PIEZO2: variants seen among roughly 807,000 people sequenced by gnomAD.
PIEZO2 encodes the protein piezo-type mechanosensitive ion channel component 2.
PIEZO2 carries 172 observed loss-of-function variants against 337.3 expected under a neutral mutation model. The ratio of observed to expected loss-of-function variants is 0.51; its 90% CI spans 0.45 to 0.58. The LOEUF (loss-of-function observed/expected upper bound fraction) is 0.58, where lower values mean the gene tolerates loss of function less well. Ranked by LOEUF, PIEZO2 falls within the 20% of genes least tolerant of loss-of-function variation. PIEZO2 has a pLI of 0.00. For synonymous variants in PIEZO2, 1,251 were observed against 1,228.5 expected, an observed-to-expected ratio of 1.02 and a Z score of -0.38; for missense variants, 3,028 against 3,391.3, an observed-to-expected ratio of 0.89 and a Z score of 2.66.
chr18:10,965,977 T>G (rs745952200), intron 3 of PIEZO2, among the ~76,000 whole-genome samples: 9 of 152,192 alleles, frequency 5.9e-5, no homozygotes, highest in African/African-American at 9.7e-5. Context: ...TGGTACAGAT[T>G]CCCGTAAATG....
chr18:11,109,946 A>G lies in PIEZO2; in HGVS notation c.64+38579T>C, dbSNP rs1372326057. ...TATTTTTTAATCAGAAGTCAGACAG[A>G]AAGGTAGAGGGCTAGAATTGGGACA... On this transcript the variant is annotated intron_variant, in intron 1 of 55. Transcript: ENST00000674853. This position sits in a 1 kb window ranked among gnomAD's most constrained non-coding sequence, Gnocchi z 5.1. 6.6e-5 allele frequency among the ~76,000 whole-genome samples: 10 copies of G among 152,308 alleles called. No individual in the cohort carries two copies. In the East Asian group the frequency reaches 1.9e-3, roughly 29 times the overall value.
chr18:10,986,498 A>T (rs1464755380), intron 2 of PIEZO2, among the ~76,000 whole-genome samples: 4 of 152,018 alleles, frequency 2.6e-5, no homozygotes, highest in African/African-American at 9.7e-5. Flanking sequence ...AATAGATGCA[A>T]AGAAAAGCAT....
rs1172237597 is a variant in PIEZO2 at position 10,726,556 on chromosome 18, G to A, written c.5029+4851C>T. The A allele has an allele frequency of 7.1e-7, 1 of 1,411,886 alleles. No homozygotes were observed. Among genetic ancestry groups the A allele is most frequent in the Non-Finnish European group, 9.4e-7 (1 of 1,065,600 alleles). 87.5% of individuals were successfully genotyped at this position (1,411,886 alleles called of 1,614,324 possible). ...TCTGCTCTGCTACACCAGCCGCCAC[G>A]CTGTGCGTCTGTCCTTCCGCCAGCT... On this transcript the variant is annotated intron_variant, in intron 36 of 55. Coordinates refer to ENST00000674853, the MANE Select transcript of PIEZO2 (RefSeq NM_001378183.1). This position sits in a 1 kb window ranked among gnomAD's most constrained non-coding sequence, Gnocchi z 5.9.
chr18:10,720,389 GTGTGTGTGTGTGTGTATGTGTATGTGTA>G (rs1282882457), intron 36 of PIEZO2, among the ~76,000 whole-genome samples: 6 of 29,432 alleles, frequency 2.0e-4, no homozygotes, highest in East Asian at 1.6e-3. Context: ...GTGTGTGTGT[GTGTGTGTGTGTGTGTATGTGTATGTGTA>G]TGTATATATA....
At chr18:10,693,758 A>G (rs1288299237) in intron 47 of PIEZO2, among the ~76,000 whole-genome samples, 1 of 151,718 alleles carries the variant, frequency 6.6e-6, no homozygotes, top group Admixed American at 6.6e-5. Context: ...TGGGGAGATC[A>G]CTTTTCTTTC....
chr18:10,816,126 GA>G (rs1369112122), intron 7 of PIEZO2, among the ~76,000 whole-genome samples: 5 of 152,146 alleles, frequency 3.3e-5, no homozygotes, highest in African/African-American at 1.2e-4. Context: ...TCACTGGGAG[GA>G]GCTTCCTTGT....
rs371675904 is a variant in PIEZO2 at position 10,754,626 on chromosome 18, C to G, written c.3924-1747G>C. On this transcript the variant is annotated intron_variant, in intron 27 of 55. Transcript: ENST00000674853. The stretch of plus-strand genomic sequence containing the variant: ...TCCCTTTGCAATAGTAAATATTGGG[C>G]TGGACTGATTGTTTTCTTAGCATCC... Among the ~76,000 whole-genome samples the G allele has an allele frequency of 1.6e-3, 246 of 152,252 alleles. 8 individuals carry two copies. The South Asian group carries it at 0.05, about 31-fold the overall frequency.
chr18:10,754,476 G>A (rs1166769741), intron 27 of PIEZO2, among the ~76,000 whole-genome samples: 1 of 152,202 alleles, frequency 6.6e-6, no homozygotes, highest in Non-Finnish European at 1.5e-5. Context: ...AGTCCTCATT[G>A]AGAAACAGAA....
rs1339835733 is a variant in PIEZO2, at chr18:10,862,074, A to T, written c.493-4863T>A. Among the ~76,000 whole-genome samples, 4 of 152,054 alleles carry T rather than the reference A, an allele frequency of 2.6e-5. No individual in the cohort carries two copies. The highest frequency in any genetic ancestry group is 5.9e-5 in the Non-Finnish European group (4 of 68,006). Reference sequence around the variant, plus strand: ...TAAAAAATAAAATAGTTAAGAGAGGATGTTAATGTCCTCAACACAAATAAA... The same window carrying T: ...TAAAAAATAAAATAGTTAAGAGAGGTTGTTAATGTCCTCAACACAAATAAA... On this transcript the variant is annotated intron_variant, in intron 5 of 55. Coordinates refer to ENST00000674853, the MANE Select transcript of PIEZO2 (RefSeq NM_001378183.1). The surrounding 1 kb of genome is among the most constrained non-coding windows in gnomAD (Gnocchi z 4.4).
chr18:10,751,599 A>T (rs374970115), intron 28 of PIEZO2, among the ~76,000 whole-genome samples: 1 of 145,280 alleles, frequency 6.9e-6, no homozygotes. Flanking sequence ...ACACAGTGAT[A>T]CACGTGCCCC....
At chr18:10,674,820 G>T (rs1167650139) in intron 54 of PIEZO2, among the ~76,000 whole-genome samples, 1 of 152,170 alleles carries the variant, frequency 6.6e-6, no homozygotes, top group Non-Finnish European at 1.5e-5. Flanking sequence ...TCCTTGGGCT[G>T]AATCAAGTAC....
chr18:10,766,248 TAAG>T lies in PIEZO2; in HGVS notation c.2947-3153_2947-3151del, dbSNP rs1179953452. 1.9e-5 allele frequency among the ~76,000 whole-genome samples: 1 copy of T among 51,438 alleles called. No homozygotes were observed. The highest frequency in any genetic ancestry group is 3.9e-5 in the Non-Finnish European group (1 of 25,322). The allele number at this position is 51,438 out of a possible 152,430, so 33.7% of individuals were successfully genotyped here. ...GGAGGAACAGGAGGAGGAGGAGGGA[TAAG>T]GAAGAAGAAGAGGAAGGAGAAAAGG... is the stretch of plus-strand genomic sequence containing the variant. On this transcript the variant is annotated intron_variant, in intron 21 of 55. Coordinates refer to ENST00000674853, the MANE Select transcript of PIEZO2 (RefSeq NM_001378183.1). This position sits in a 1 kb window ranked among gnomAD's most constrained non-coding sequence, Gnocchi z 6.1.
intron 13 of PIEZO2, among the ~76,000 whole-genome samples, chr18:10,792,954 T>A (rs2144189952): frequency 6.6e-6 from 1 of 152,344 alleles, no homozygotes; most frequent in East Asian, 1.9e-4. Flanking sequence ...ATCTGCCTTT[T>A]TAAAAATTAT....
At chr18:10,902,165 T>C (rs1358868627) in intron 4 of PIEZO2, among the ~76,000 whole-genome samples, 6 of 152,232 alleles carry the variant, frequency 3.9e-5, no homozygotes, top group African/African-American at 2.4e-5. Context: ...TGCCTGCTGA[T>C]CTGAGGTGGA....
chr18:10,782,990 G>A (rs539471665), intron 17 of PIEZO2, among the ~76,000 whole-genome samples: 7 of 152,102 alleles, frequency 4.6e-5, no homozygotes, highest in Admixed American at 6.5e-5. Flanking sequence ...TGGATAAATG[G>A]TGAATTATAT....
At position 11,102,692 on chromosome 18, in the gene PIEZO2, C is replaced by G. The variant is rs372733607; in HGVS notation, c.65-36470G>C. 6.6e-6 allele frequency among the ~76,000 whole-genome samples: 1 copy of G among 152,188 alleles called. No individual in the cohort carries two copies. Among genetic ancestry groups the G allele is most frequent in the South Asian group, 2.1e-4 (1 of 4,832 alleles). ...TGTCTCCAGAGGGAAAGGCACTGCCCCCTTCCAATTGCAGACTGATTCCCC... is the reference window on the plus strand; with the variant it reads ...TGTCTCCAGAGGGAAAGGCACTGCCGCCTTCCAATTGCAGACTGATTCCCC... On this transcript the variant is annotated intron_variant, in intron 1 of 55. Transcript: ENST00000674853. This position sits in a 1 kb window ranked among gnomAD's most constrained non-coding sequence, Gnocchi z 5.7.
Position 11,102,610 on chromosome 18 carries a change from C to G in PIEZO2, c.65-36388G>C, listed in dbSNP as rs1451854467. On this transcript the variant is annotated intron_variant, in intron 1 of 55. Coordinates refer to ENST00000674853, the MANE Select transcript of PIEZO2 (RefSeq NM_001378183.1). This position sits in a 1 kb window ranked among gnomAD's most constrained non-coding sequence, Gnocchi z 5.7. ...CGTCTGGCTTGGATCATCTCTGACA[C>G]TTGCTCTCCCCTGGTGTCTTTGGAG... Among the ~76,000 whole-genome samples, 1 of 152,230 alleles carries G rather than the reference C, an allele frequency of 6.6e-6. No individual in the cohort carries two copies. Among genetic ancestry groups the G allele is most frequent in the Non-Finnish European group, 1.5e-5 (1 of 68,032 alleles).
chr18:10,759,984 C>A lies in PIEZO2; in HGVS notation c.3451-75G>T. The A allele has an allele frequency of 2.2e-6, 3 of 1,339,094 alleles. No individual in the cohort carries two copies. Among genetic ancestry groups the A allele is most frequent in the Non-Finnish European group, 3.1e-6 (3 of 972,352 alleles). The allele number at this position is 1,339,094 out of a possible 1,614,324, so 83.0% of individuals were successfully genotyped here. A position where few individuals can be genotyped will look rare whatever the true frequency, so the allele number is the denominator to read the frequency against. On this transcript the variant is annotated intron_variant, in intron 24 of 55. Transcript: ENST00000674853. The surrounding 1 kb of genome is among the most constrained non-coding windows in gnomAD (Gnocchi z 5.5). ...AGGGGACTGGTGATAGGTGTCAGGT[C>A]TGTGTAGATGGCGGAGACCCATGTC...
In PIEZO2 at chr18:10,767,705, G is replaced by A. The variant is rs967502715; in HGVS notation, c.2946+2443C>T. ...GCAGAGCAGGGCCTGTGTGAGGGTGGCCCCTGGTCCTGATGGGGAGGCACA... is the reference window on the plus strand; with the variant it reads ...GCAGAGCAGGGCCTGTGTGAGGGTGACCCCTGGTCCTGATGGGGAGGCACA... On this transcript the variant is annotated intron_variant, in intron 21 of 55. Transcript: ENST00000674853. The surrounding 1 kb of genome is among the most constrained non-coding windows in gnomAD (Gnocchi z 4.2). Among the ~76,000 whole-genome samples the A allele has an allele frequency of 2.0e-5, 3 of 152,118 alleles. No homozygotes were observed. Among genetic ancestry groups the A allele is most frequent in the Non-Finnish European group, 4.4e-5 (3 of 68,002 alleles).
Sources: gnomAD v4.1 joint callset for allele counts (sites outside exome capture counted in the v4.1 genomes callset) on GRCh38, gnomAD v4.1.1 for gene constraint, Gnocchi (gnomAD v3.1) non-coding constraint, MANE v1.5 for transcripts, NCBI Gene and HGNC (gene_info 2026-07-23, HGNC 2026-07-21) for gene names.